The following CFAP299 variants were observed in gnomAD, a reference collection of about 807,000 sequenced individuals.
CFAP299 encodes the protein cilia and flagella associated protein 299.
In CFAP299, 21 loss-of-function variants were observed where a neutral mutation model predicts 27.0. The ratio of observed to expected loss-of-function variants is 0.78; its 90% confidence interval spans 0.55 to 1.12. The LOEUF (loss-of-function observed/expected upper bound fraction) is 1.12. CFAP299 is among the 50% of genes most tolerant of loss of function. The probability of loss-of-function intolerance (pLI) is 0.00; values close to 1 mark genes in which losing one functional copy is unlikely to be tolerated. For synonymous variants in CFAP299, 104 were observed against 98.1 expected, an observed-to-expected ratio of 1.06 and a Z score of -0.36; for missense variants, 310 against 276.6, an observed-to-expected ratio of 1.12 and a Z score of -0.86.
At chr4:80,930,922 C>CT (rs112816017) in intron 4 of CFAP299, among the ~76,000 whole-genome samples, 28 of 151,352 alleles carry the variant, frequency 1.8e-4, no homozygotes, top group East Asian at 3.9e-4. Flanking sequence ...TTATTCTGTC[C>CT]TTTTTTTTTC....
intron 2 of CFAP299, among the ~76,000 whole-genome samples, chr4:80,542,487 A>G (rs1328283264): frequency 6.6e-6 from 1 of 152,132 alleles, no homozygotes; most frequent in African/African-American, 2.4e-5. Flanking sequence ...GAAACCAAGA[A>G]TGCTCCACAG....
intron 3 of CFAP299, among the ~76,000 whole-genome samples, chr4:80,783,442 C>T (rs747289261): frequency 7.9e-5 from 12 of 152,196 alleles, no homozygotes; most frequent in East Asian, 1.9e-4. Context: ...TTCAGCAATT[C>T]GTCCAAGGTA....
intron 3 of CFAP299, among the ~76,000 whole-genome samples, chr4:80,817,614 A>C (rs1729486041): frequency 1.3e-5 from 2 of 152,092 alleles, no homozygotes; most frequent in South Asian, 4.1e-4. Context: ...TGGAAGCTTC[A>C]TGAGAGCAGG....
intron 5 of CFAP299, among the ~76,000 whole-genome samples, chr4:80,959,652 T>C (rs532072497): frequency 1.3e-5 from 2 of 152,120 alleles, no homozygotes; most frequent in South Asian, 4.1e-4. Flanking sequence ...ATTCCACAAA[T>C]AAAACTAATT....
At chr4:80,620,010 AATG>A (rs1213478753) in intron 3 of CFAP299, among the ~76,000 whole-genome samples, 1 of 152,128 alleles carries the variant, frequency 6.6e-6, no homozygotes, top group African/African-American at 2.4e-5. Context: ...GAGAGACTAA[AATG>A]ATGTAGAATT....
intron 3 of CFAP299, among the ~76,000 whole-genome samples, chr4:80,688,976 G>A (rs1005987925): frequency 3.9e-5 from 6 of 152,162 alleles, no homozygotes; most frequent in Admixed American, 1.3e-4. Context: ...AATGAAGCGA[G>A]AAGGGAAGTT....
intron 3 of CFAP299, among the ~76,000 whole-genome samples, chr4:80,857,926 T>G (rs1732029494): frequency 6.6e-6 from 1 of 152,210 alleles, no homozygotes; most frequent in South Asian, 2.1e-4. Flanking sequence ...CCTCATAAAA[T>G]GAGTTAGGGA....
intron 1 of CFAP299, among the ~76,000 whole-genome samples, chr4:80,347,277 C>T (rs910124492): frequency 6.6e-6 from 1 of 152,116 alleles, no homozygotes; most frequent in African/African-American, 2.4e-5. Flanking sequence ...CTTTCTCTTG[C>T]TTGACTGCCC....
upstream of CFAP299, among the ~76,000 whole-genome samples, chr4:80,331,290 G>A (rs1336701773): frequency 6.6e-6 from 1 of 152,192 alleles, no homozygotes; most frequent in Non-Finnish European, 1.5e-5. Context: ...GGAATGTCTT[G>A]TAAGCCATGT....
chr4:80,584,699 C>G (rs1736344018), intron 3 of CFAP299, among the ~76,000 whole-genome samples: 1 of 152,012 alleles, frequency 6.6e-6, no homozygotes. Flanking sequence ...CTTAGTGAAT[C>G]AACAAAACCC....
At chr4:80,445,240 C>T (rs1038489045) in intron 2 of CFAP299, among the ~76,000 whole-genome samples, 8 of 152,164 alleles carry the variant, frequency 5.3e-5, no homozygotes, top group South Asian at 2.1e-4. Flanking sequence ...TTTATTGCAG[C>T]GCTGTTTACA....
At chr4:80,874,076 G>A in intron 4 of CFAP299, among the ~76,000 whole-genome samples, 1 of 152,058 alleles carries the variant, frequency 6.6e-6, no homozygotes, top group Non-Finnish European at 1.5e-5. Context: ...AAAGCATTCT[G>A]GTAACATATT....
At chr4:80,651,294 TCTC>T (rs1740268514) in intron 3 of CFAP299, among the ~76,000 whole-genome samples, 1 of 31,390 alleles carries the variant, frequency 3.2e-5, no homozygotes, top group Non-Finnish European at 2.4e-4. Context: ...TCTCTTACTC[TCTC>T]TCTCTTTCTT....
At chr4:80,603,597 T>C (rs1257177981) in intron 3 of CFAP299, among the ~76,000 whole-genome samples, 1 of 152,172 alleles carries the variant, frequency 6.6e-6, no homozygotes, top group Non-Finnish European at 1.5e-5. Context: ...TAAAAGTTGT[T>C]TCAAAGGAAA....
intron 3 of CFAP299, among the ~76,000 whole-genome samples, chr4:80,733,881 G>A (rs1166976435): frequency 1.3e-5 from 2 of 152,094 alleles, no homozygotes; most frequent in Admixed American, 1.3e-4. Context: ...TGGACACTTA[G>A]GTTGCTTCCA....
intron 4 of CFAP299, among the ~76,000 whole-genome samples, chr4:80,932,419 C>T (rs953596204): frequency 6.6e-6 from 1 of 151,888 alleles, no homozygotes; most frequent in African/African-American, 2.4e-5. Flanking sequence ...TCCTATCAAC[C>T]CAAATAACTG....
At chr4:80,840,627 G>A (rs1016863655) in intron 3 of CFAP299, among the ~76,000 whole-genome samples, 16 of 151,838 alleles carry the variant, frequency 1.1e-4, no homozygotes, top group Non-Finnish European at 1.6e-4. Context: ...TTATTCTCAT[G>A]GTTTGTTTTG....
chr4:80,823,020 T>G (rs1483407333), intron 3 of CFAP299, among the ~76,000 whole-genome samples: 4 of 152,186 alleles, frequency 2.6e-5, no homozygotes, highest in African/African-American at 9.6e-5. Context: ...ACACACCAGC[T>G]GCATTTTAAG....
chr4:80,815,164 G>A (rs1729359913), intron 3 of CFAP299, among the ~76,000 whole-genome samples: 1 of 151,690 alleles, frequency 6.6e-6, no homozygotes, highest in Non-Finnish European at 1.5e-5. Context: ...TGAAAGAAAA[G>A]CCAGAATATA....
Sources: gnomAD v4.1 joint callset for allele counts (sites outside exome capture counted in the v4.1 genomes callset) on GRCh38, gnomAD v4.1.1 for gene constraint, MANE v1.5 for transcripts, NCBI Gene and HGNC (gene_info 2026-07-23, HGNC 2026-07-21) for gene names.